Variants in ALPK2 observed in about 807,000 individuals in gnomAD.
The protein encoded by ALPK2 is alpha kinase 2, also known as alpha-protein kinase 2.
A neutral mutation model predicts 163.1 loss-of-function variants in ALPK2; 127 were observed. The observed-to-expected ratio is 0.78, with a 90% CI of 0.67 to 0.90. The LOEUF is 0.90. Among genes scored for constraint, ALPK2 ranks in the 40% least tolerant of loss-of-function variants. The probability of loss-of-function intolerance (pLI) is 0.00; values close to 1 mark genes in which losing one functional copy is unlikely to be tolerated. For missense variants in ALPK2, 2,360 were observed against 2,589.6 expected, an observed-to-expected ratio of 0.91 and a Z score of 1.92; for synonymous variants, 953 against 959.1, an observed-to-expected ratio of 0.99 and a Z score of 0.12.
intron 4 of ALPK2, among the ~76,000 whole-genome samples, chr18:58,566,838 C>T (rs754124387): frequency 1.3e-5 from 2 of 152,162 alleles, no homozygotes; most frequent in Non-Finnish European, 2.9e-5. Flanking sequence ...GGAGGTTACA[C>T]TTGAGGAGCC....
rs906350575 is a variant in ALPK2, at chr18:58,481,563, C to T, written c.*260G>A. On this transcript the variant is annotated 3_prime_UTR_variant, in exon 13 of 13. Coordinates refer to ENST00000361673, the MANE Select transcript of ALPK2 (RefSeq NM_052947.4). ...ATGTGAGGTTGGTAAAAATGCTAAA[C>T]ATGTATATAAAGAATGGACTGTCTT... 4 of 490,244 alleles carry T rather than the reference C, an allele frequency of 8.2e-6. No individual in the cohort carries two copies. Among genetic ancestry groups the T allele is most frequent in the African/African-American group, 5.8e-5 (3 of 51,698 alleles). The allele number at this position is 490,244 out of a possible 1,614,324, so 30.4% of individuals were successfully genotyped here. A position where few individuals can be genotyped will look rare whatever the true frequency, so the allele number is the denominator to read the frequency against.
chr18:58,609,442 A>C (rs1395167873), intron 2 of ALPK2, among the ~76,000 whole-genome samples: 1 of 152,236 alleles, frequency 6.6e-6, no homozygotes, highest in Non-Finnish European at 1.5e-5. Flanking sequence ...TATAGGAAGC[A>C]GTGAATTCCT....
At chr18:58,613,708 A>AAAAAT (rs1296907485) in intron 1 of ALPK2, among the ~76,000 whole-genome samples, 1 of 95,214 alleles carries the variant, frequency 1.1e-5, no homozygotes, top group South Asian at 3.1e-4. Flanking sequence ...CAAAAAAAAA[A>AAAAAT]AATAATAATA....
At chr18:58,564,633 T>G (rs1039646620) in intron 4 of ALPK2, among the ~76,000 whole-genome samples, 3 of 152,118 alleles carry the variant, frequency 2.0e-5, no homozygotes, top group Admixed American at 1.3e-4. Flanking sequence ...CTTTGTTTGA[T>G]ATTTATTTTG....
chr18:58,481,908 G>A lies in ALPK2; in HGVS notation c.6428C>T (p.Pro2143Leu), dbSNP rs35196844. ...TTGAACTTTGCTTTTCCCAATGCTC[G>A]GCTGCTTCTGTTTCTGGTTGTTGTT... ...LQNNNQKQKQ[P>L]SIGKSKVQTN... Residue 2143 changes from proline (P) to leucine (L), a missense_variant, in exon 13 of 13, where the codon CCG (proline) becomes CTG (leucine). Transcript: ENST00000361673. The A allele has an allele frequency of 1.2e-4, 200 of 1,614,100 alleles. No homozygotes were observed. Among genetic ancestry groups the A allele is most frequent in the Non-Finnish European group, 1.5e-4 (182 of 1,180,010 alleles).
At chr18:58,487,891 C>T (rs1187597022) in intron 12 of ALPK2, among the ~76,000 whole-genome samples, 1 of 152,126 alleles carries the variant, frequency 6.6e-6, no homozygotes, top group Non-Finnish European at 1.5e-5. Context: ...ATATGAATAG[C>T]ATTCAATATA....
chr18:58,527,713 A>T (rs1174258993), intron 6 of ALPK2, among the ~76,000 whole-genome samples: 3 of 152,214 alleles, frequency 2.0e-5, no homozygotes, highest in Non-Finnish European at 4.4e-5. Flanking sequence ...TTAAAAAGCA[A>T]ACCATTTCTT....
rs147468860 is a variant in ALPK2, at chr18:58,601,829, C to A, written c.227+5493G>T. ...CAGACCCATGATAACTAAGAAACTG[C>A]TGCTCTACGAGAGCACACCAGTTTT... On this transcript the variant is annotated intron_variant, in intron 3 of 12. Coordinates refer to ENST00000361673, the MANE Select transcript of ALPK2 (RefSeq NM_052947.4). 5.4e-3 allele frequency among the ~76,000 whole-genome samples: 829 copies of A among 152,334 alleles called. 9 individuals carry two copies. Among genetic ancestry groups the A allele is most frequent in the African/African-American group, 0.019 (802 of 41,560 alleles).
At chr18:58,565,324 TAAGAGATTTTTA>T (rs145664445) in intron 4 of ALPK2, among the ~76,000 whole-genome samples, 17,611 of 152,256 alleles carry the variant, frequency 0.12, 1,105 homozygotes, top group East Asian at 0.19. Flanking sequence ...TAAGAGATTT[TAAGAGATTTTTA>T]AAGAGATTTT....
chr18:58,592,404 A>G (rs953137792), intron 3 of ALPK2, among the ~76,000 whole-genome samples: 6 of 152,250 alleles, frequency 3.9e-5, no homozygotes, highest in African/African-American at 1.2e-4. Flanking sequence ...CCTTCAGGAA[A>G]TGAAGCCAGG....
intron 11 of ALPK2, 53 bp from the exon 12 acceptor site, chr18:58,498,150 G>T: frequency 1.3e-6 from 2 of 1,577,812 alleles, no homozygotes; most frequent in South Asian, 2.2e-5. Flanking sequence ...GGCCCCTCAG[G>T]AAGTTGGGCC....
At position 58,515,001 on chromosome 18, in the gene ALPK2, T is replaced by C. The variant is rs1002776344; in HGVS notation, c.6021A>G (p.Glu2007=). Residue 2007 remains glutamate, a synonymous_variant, in exon 10 of 13, where the codon GAA becomes GAG. Coordinates refer to ENST00000361673, the MANE Select transcript of ALPK2 (RefSeq NM_052947.4). ...AGGGTAAACACACTTACTCAGGTACTTCTCCAAAGCCTTCCAGAGGCTGTG... is the reference window on the plus strand; with the variant it reads ...AGGGTAAACACACTTACTCAGGTACCTCTCCAAAGCCTTCCAGAGGCTGTG... ...AEAQPLEGFG[E]VPEIIPIFLI... The C allele has an allele frequency of 6.2e-7, 1 of 1,612,090 alleles. No individual in the cohort carries two copies.
intron 4 of ALPK2, among the ~76,000 whole-genome samples, chr18:58,560,753 G>C (rs944163880): frequency 6.6e-6 from 1 of 152,174 alleles, no homozygotes; most frequent in African/African-American, 2.4e-5. Flanking sequence ...GTCTACTTCA[G>C]GGGGGCAGGG....
intron 3 of ALPK2, among the ~76,000 whole-genome samples, chr18:58,606,405 G>C (rs1451975247): frequency 6.6e-6 from 1 of 152,222 alleles, no homozygotes; most frequent in South Asian, 2.1e-4. Flanking sequence ...CAAAGGACTA[G>C]ATAGGAGATA....
chr18:58,520,347 T>C (rs544212810), intron 8 of ALPK2, among the ~76,000 whole-genome samples: 1 of 141,396 alleles, frequency 7.1e-6, no homozygotes, highest in South Asian at 2.2e-4. Context: ...GACAACTGCT[T>C]GAACTTGGGA....
In ALPK2 at chr18:58,521,789, C is replaced by T. The variant is rs527753819; in HGVS notation, c.5665+2017G>A. ...ATTACAGGTGCGTGCCACCATGCCGCGCTAATTTTTGTATTTTTAGTAGAG... is the reference window on the plus strand; with the variant it reads ...ATTACAGGTGCGTGCCACCATGCCGTGCTAATTTTTGTATTTTTAGTAGAG... On this transcript the variant is annotated intron_variant, in intron 8 of 12. Coordinates refer to ENST00000361673, the MANE Select transcript of ALPK2 (RefSeq NM_052947.4). Among the ~76,000 whole-genome samples, 503 of 151,386 alleles carry T rather than the reference C, an allele frequency of 3.3e-3. 2 individuals carry two copies. The highest frequency in any genetic ancestry group is 0.011 in the African/African-American group (473 of 41,290).
At chr18:58,557,752 A>G (rs1482661919) in intron 4 of ALPK2, among the ~76,000 whole-genome samples, 1 of 151,770 alleles carries the variant, frequency 6.6e-6, no homozygotes, top group Admixed American at 6.6e-5. Context: ...GATCAGCTGT[A>G]AAAGAGGAAA....
At chr18:58,606,844 G>A (rs1049423962) in intron 3 of ALPK2, among the ~76,000 whole-genome samples, 3 of 152,260 alleles carry the variant, frequency 2.0e-5, no homozygotes, top group Middle Eastern at 3.4e-3. Flanking sequence ...AAAAAAATTC[G>A]AAATCACTGT....
At chr18:58,610,842 C>T (rs1400170697) in intron 2 of ALPK2, among the ~76,000 whole-genome samples, 1 of 151,598 alleles carries the variant, frequency 6.6e-6, no homozygotes, top group Non-Finnish European at 1.5e-5. Flanking sequence ...CGCCTGTAAT[C>T]CCAGCACTTT....
Sources: allele counts gnomAD v4.1 joint callset (sites outside exome capture counted in the v4.1 genomes callset), GRCh38; gene constraint gnomAD v4.1.1; transcripts MANE v1.5; gene names NCBI Gene and HGNC (gene_info 2026-07-23, HGNC 2026-07-21).